NRG1: variants seen among roughly 807,000 people sequenced by gnomAD.
NRG1 encodes pro-neuregulin-1, membrane-bound isoform.
Under a neutral mutation model 63.8 loss-of-function variants are expected in NRG1, and 18 were observed. That is an observed-to-expected ratio of 0.28 (90% confidence interval 0.19 to 0.42). NRG1 has a LOEUF of 0.42. NRG1 is among the 10% of genes least tolerant of loss of function. The pLI is 1.00. For missense variants in NRG1, 762 were observed against 814.7 expected (o/e 0.94, Z 0.79); for synonymous variants, 302 against 301.3 (o/e 1.00, Z -0.02).
At chr8:31,647,918 A>T (rs1343917449) in intron 1 of NRG1, among the ~76,000 whole-genome samples, 1 of 152,108 alleles carries the variant, frequency 6.6e-6, no homozygotes, top group African/African-American at 2.4e-5. Flanking sequence ...TGGTAACATA[A>T]AATTTACCAT....
chr8:32,408,128 C>T (rs1814357047), intron 1 of NRG1, among the ~76,000 whole-genome samples: 1 of 152,196 alleles, frequency 6.6e-6, no homozygotes, highest in Non-Finnish European at 1.5e-5. Flanking sequence ...CAATAAGTTA[C>T]TGCTAGGTCA....
intron 1 of NRG1, among the ~76,000 whole-genome samples, chr8:31,965,558 T>C (rs1806182200): frequency 6.6e-6 from 1 of 152,154 alleles, no homozygotes; most frequent in Non-Finnish European, 1.5e-5. Flanking sequence ...TATTTTCTTT[T>C]GGATAAATAC....
chr8:32,237,340 C>T (rs553842145), intron 1 of NRG1, among the ~76,000 whole-genome samples: 2 of 152,242 alleles, frequency 1.3e-5, no homozygotes, highest in South Asian at 2.1e-4. Flanking sequence ...TTTGTGTTAG[C>T]CCTGCATTGC....
intron 1 of NRG1, among the ~76,000 whole-genome samples, chr8:32,349,946 T>C (rs1310406899): frequency 6.6e-6 from 1 of 152,156 alleles, no homozygotes; most frequent in African/African-American, 2.4e-5. Context: ...GACGGGCAGG[T>C]CACCTCCTTT....
At chr8:31,809,359 CAT>C (rs1432315927) in intron 1 of NRG1, among the ~76,000 whole-genome samples, 1 of 142,208 alleles carries the variant, frequency 7.0e-6, no homozygotes, top group African/African-American at 2.6e-5. Flanking sequence ...CACACACACA[CAT>C]ATATATACAC....
chr8:31,760,606 A>G (rs2131512529), intron 1 of NRG1, among the ~76,000 whole-genome samples: 1 of 152,182 alleles, frequency 6.6e-6, no homozygotes, highest in Non-Finnish European at 1.5e-5. Flanking sequence ...AATTTACAAG[A>G]AAAAAACAAA....
Position 31,640,181 on chromosome 8 carries a change from CG to C in NRG1, c.37+751del. 1 of 1,187,392 alleles carries C rather than the reference CG, an allele frequency of 8.4e-7. No homozygotes were observed. Among genetic ancestry groups the C allele is most frequent in the South Asian group, 3.5e-5 (1 of 28,830 alleles). The allele number at this position is 1,187,392 out of a possible 1,614,324, so 73.6% of individuals were successfully genotyped here. A position where few individuals can be genotyped will look rare whatever the true frequency, so the allele number is the denominator to read the frequency against. On this transcript the variant is annotated intron_variant, in intron 1 of 10. Coordinates refer to the NRG1 transcript ENST00000519301. This position sits in a 1 kb window ranked among gnomAD's most constrained non-coding sequence, Gnocchi z 6.3. ...GGGGCCTCGGTGTGCTACTCGTCCC[CG>C]CCCAGCGTGGGATCGGTGCAGGAGC...
intron 1 of NRG1, among the ~76,000 whole-genome samples, chr8:32,181,132 G>C (rs1044440415): frequency 1.2e-4 from 19 of 152,174 alleles, no homozygotes; most frequent in African/African-American, 3.9e-4. Flanking sequence ...AAGAAGAAAT[G>C]TGTGAATAGT....
At chr8:31,961,776 TATAAC>T (rs1452408866) in intron 1 of NRG1, among the ~76,000 whole-genome samples, 2 of 152,144 alleles carry the variant, frequency 1.3e-5, no homozygotes, top group Non-Finnish European at 2.9e-5. Flanking sequence ...CATAAACAAT[TATAAC>T]ATTATTTGCT....
rs58796067 is a variant in NRG1 at position 32,640,620 on chromosome 8, GCACACACACACACACA to G, written c.502+23762_502+23777del. On this transcript the variant is annotated intron_variant, in intron 5 of 11. Coordinates refer to ENST00000356819, the Ensembl canonical transcript of NRG1. ...CCTTCATCCCAAAGATCTCAGACCC[GCACACACACACACACA>G]CACACACACACACACACACACACAC... Among the ~76,000 whole-genome samples, 166 of 132,290 alleles carry G rather than the reference GCACACACACACACACA, an allele frequency of 1.3e-3. 1 individual carries two copies. The highest frequency in any genetic ancestry group is 4.1e-3 in the African/African-American group (146 of 35,272). The allele number at this position is 132,290 out of a possible 152,430, so 86.8% of individuals were successfully genotyped here. A position where few individuals can be genotyped will look rare whatever the true frequency, so the allele number is the denominator to read the frequency against.
chr8:31,972,555 A>G (rs1195641329), intron 1 of NRG1, among the ~76,000 whole-genome samples: 1 of 151,732 alleles, frequency 6.6e-6, no homozygotes, highest in South Asian at 2.1e-4. Context: ...TTCCCTTCCT[A>G]TTTGCAAGCT....
chr8:32,560,705 CTTAA>C (rs1305452632), intron 1 of NRG1, among the ~76,000 whole-genome samples: 1 of 152,144 alleles, frequency 6.6e-6, no homozygotes, highest in African/African-American at 2.4e-5. Flanking sequence ...ATAATCAGTG[CTTAA>C]TTATTCAGAC....
chr8:31,703,651 C>G (rs1448146190), intron 1 of NRG1, among the ~76,000 whole-genome samples: 1 of 152,126 alleles, frequency 6.6e-6, no homozygotes, highest in Non-Finnish European at 1.5e-5. Flanking sequence ...CAACCATATC[C>G]TCAAGTTTAT....
chr8:31,640,032 G>A lies in NRG1; in HGVS notation c.37+601G>A. The A allele has an allele frequency of 1.7e-6, 2 of 1,143,522 alleles. No individual in the cohort carries two copies. Among genetic ancestry groups the A allele is most frequent in the Non-Finnish European group, 2.1e-6 (2 of 933,268 alleles). The allele number at this position is 1,143,522 out of a possible 1,614,324, so 70.8% of individuals were successfully genotyped here. A position where few individuals can be genotyped will look rare whatever the true frequency, so the allele number is the denominator to read the frequency against. On this transcript the variant is annotated intron_variant, in intron 1 of 10. Transcript: ENST00000519301. The surrounding 1 kb of genome is among the most constrained non-coding windows in gnomAD (Gnocchi z 6.3). ...GCCGCTCCGGGCGTCCCGGCCCCCGGGCCCAGCGCCCCGGCTCCGCCGCCC... is the reference window on the plus strand; with the variant it reads ...GCCGCTCCGGGCGTCCCGGCCCCCGAGCCCAGCGCCCCGGCTCCGCCGCCC...
chr8:32,096,552 C>T (rs1180383335), intron 1 of NRG1, among the ~76,000 whole-genome samples: 1 of 152,084 alleles, frequency 6.6e-6, no homozygotes, highest in East Asian at 1.9e-4. Flanking sequence ...ATTTGGTTCA[C>T]GTTTGTGATG....
intron 5 of NRG1, among the ~76,000 whole-genome samples, chr8:32,715,948 A>G (rs1564013803): frequency 6.6e-6 from 1 of 152,148 alleles, no homozygotes; most frequent in Non-Finnish European, 1.5e-5. Flanking sequence ...GGCCTAAACC[A>G]GGCCTTTTTA....
chr8:31,878,524 C>T (rs1325402199), intron 1 of NRG1, among the ~76,000 whole-genome samples: 1 of 152,166 alleles, frequency 6.6e-6, no homozygotes, highest in Non-Finnish European at 1.5e-5. Flanking sequence ...GGGCAATATA[C>T]TATTTATCGA....
At chr8:32,759,196 G>C (rs1405693826) in intron 9 of NRG1, 110 bp from the exon 10 acceptor site, 3 of 1,232,660 alleles carry the variant, frequency 2.4e-6, no homozygotes, top group East Asian at 4.9e-5. Context: ...TACAAAAATA[G>C]ATTTGTGTGT....
At chr8:32,582,313 G>A (rs558269320) in intron 1 of NRG1, among the ~76,000 whole-genome samples, 24 of 152,088 alleles carry the variant, frequency 1.6e-4, no homozygotes, top group African/African-American at 5.8e-4. Context: ...GCCCAGGCTG[G>A]TCTCAAACTC....
Sources: gnomAD v4.1 joint callset for allele counts (sites outside exome capture counted in the v4.1 genomes callset) on GRCh38, gnomAD v4.1.1 for gene constraint, Gnocchi (gnomAD v3.1) non-coding constraint, MANE v1.5 for transcripts, NCBI Gene and HGNC (gene_info 2026-07-23, HGNC 2026-07-21) for gene names.